TTC16: variants seen among roughly 807,000 people sequenced by gnomAD.
TTC16 encodes tetratricopeptide repeat domain 16.
A neutral mutation model predicts 80.4 loss-of-function variants in TTC16; 66 were observed. That is an observed-to-expected ratio of 0.82 (90% CI 0.67 to 1.01). The LOEUF (loss-of-function observed/expected upper bound fraction) is 1.01. Ranked by LOEUF, TTC16 falls within the 50% of genes least tolerant of loss-of-function variation. The pLI, the probability that TTC16 is intolerant of heterozygous loss-of-function variation, is 0.00. For synonymous variants in TTC16, 438 were observed against 451.3 expected (o/e 0.97, Z 0.37); for missense variants, 1,070 against 1,103.2 (o/e 0.97, Z 0.43).
intron 12 of TTC16, 140 bp downstream of exon 12, chr9:127,727,605 G>T (rs1253568536): frequency 1.4e-6 from 2 of 1,415,958 alleles, no homozygotes; most frequent in Non-Finnish European, 1.8e-6. Context: ...TGATGGGCTG[G>T]GGACATCTTG....
chr9:127,730,799 C>T lies in TTC16; in HGVS notation c.2016C>T (p.Ile672=), dbSNP rs768162495. Residue 672 remains isoleucine, a synonymous_variant, in exon 14 of 14, where the codon ATC becomes ATT. Transcript: ENST00000373289. ...CACTAAGCCATGGTCCCAGAAAAATCAAGGCCACCCAGGGCCAGAGGCAGA... is the reference window on the plus strand; with the variant it reads ...CACTAAGCCATGGTCCCAGAAAAATTAAGGCCACCCAGGGCCAGAGGCAGA... ...REALSHGPRK[I]KATQGQRQSL... The T allele has an allele frequency of 5.1e-5, 82 of 1,613,708 alleles. No individual in the cohort carries two copies. The highest frequency in any genetic ancestry group is 6.5e-5 in the Non-Finnish European group (77 of 1,180,048).
chr9:127,726,899 C>T (rs1844022502), intron 10 of TTC16, 71 bp from the exon 11 acceptor site: 2 of 1,592,990 alleles, frequency 1.3e-6, no homozygotes, highest in Non-Finnish European at 8.6e-7. Context: ...TGTGCAGGGT[C>T]AGGGCAGCAT....
intron 12 of TTC16, chr9:127,729,276 T>G: frequency 3.1e-6 from 1 of 324,638 alleles, no homozygotes; most frequent in Non-Finnish European, 5.9e-6. Flanking sequence ...GGCACAGCCC[T>G]TTACAATTTA....
chr9:127,731,513 A>C lies in TTC16; in HGVS notation c.*108A>C. ...TCCTTCCAGAGCAATTAAAAGTCTT[A>C]GCAACAGTCCTCTGGTCCCACAGCT... On this transcript the variant is annotated 3_prime_UTR_variant, in exon 14 of 14. Coordinates refer to ENST00000373289, the MANE Select transcript of TTC16 (RefSeq NM_144965.3). The C allele has an allele frequency of 6.7e-7, 1 of 1,493,642 alleles. No homozygotes were observed. The highest frequency in any genetic ancestry group is 8.9e-7 in the Non-Finnish European group (1 of 1,125,684). 92.5% of individuals were successfully genotyped at this position (1,493,642 alleles called of 1,614,324 possible). A position where few individuals can be genotyped will look rare whatever the true frequency, so the allele number is the denominator to read the frequency against.
At chr9:127,720,232 C>G (rs375015525) in intron 5 of TTC16, 34 bp from the exon 6 acceptor site, 1 of 1,613,320 alleles carries the variant, frequency 6.2e-7, no homozygotes, top group Non-Finnish European at 8.5e-7. Context: ...CCGCCCCACC[C>G]GGGAAACGAG....
intron 13 of TTC16, 193 bp downstream of exon 13, chr9:127,729,861 AG>A: frequency 1.7e-6 from 1 of 589,960 alleles, no homozygotes; most frequent in Non-Finnish European, 3.0e-6. Flanking sequence ...GGCTTGCTCC[AG>A]GCACTTCATG....
chr9:127,720,091 T>C lies in TTC16; in HGVS notation c.440T>C (p.Phe147Ser), dbSNP rs758566813. The change falls in exon 5 of 14, where the codon TTT becomes TCT. Residue 147 changes from phenylalanine (F) to serine (S), a missense_variant. Transcript: ENST00000373289. ...FVLYLQGQCLFEQCAFLDALN... is the reference protein window; with the variant it reads ...FVLYLQGQCLSEQCAFLDALN... The stretch of plus-strand genomic sequence containing the variant: ...CTGTGTCCCCAGGGACAATGCCTTT[T>C]TGAGCAGTGTGCCTTCCTGGATGCC... 1.2e-6 allele frequency: 2 copies of C among 1,613,858 alleles called. No homozygotes were observed. The highest frequency in any genetic ancestry group is 3.3e-5 in the Admixed American group (2 of 60,020).
rs1843570672 is a variant in TTC16, at chr9:127,722,247, C to T, written c.658-872C>T. ...CCCTCCCTCCCTCCACCCACACCTG[C>T]TGTCCACACCATCCCGTTCACCTGC... On this transcript the variant is annotated intron_variant, in intron 6 of 13. Coordinates refer to ENST00000373289, the MANE Select transcript of TTC16 (RefSeq NM_144965.3). This position sits in a 1 kb window ranked among gnomAD's most constrained non-coding sequence, Gnocchi z 4.2. Among the ~76,000 whole-genome samples the T allele has an allele frequency of 6.6e-6, 1 of 152,204 alleles. No homozygotes were observed. Among genetic ancestry groups the T allele is most frequent in the Non-Finnish European group, 1.5e-5 (1 of 68,036 alleles).
intron 12 of TTC16, chr9:127,729,222 A>C: frequency 5.0e-6 from 1 of 199,250 alleles, no homozygotes; most frequent in Non-Finnish European, 1.0e-5. Context: ...GGATGGGGGT[A>C]AAGCCTACAG....
rs762334269 is a variant in TTC16 at position 127,731,269 on chromosome 9, G to A, written c.2486G>A (p.Ser829Asn). 2 of 1,612,902 alleles carry A rather than the reference G, an allele frequency of 1.2e-6. No homozygotes were observed. The highest frequency in any genetic ancestry group is 3.3e-5 in the Admixed American group (2 of 60,030). The change falls in exon 14 of 14, where the codon AGC becomes AAC. Residue 829 changes from serine to asparagine, a missense_variant. Ser to Asn is a conservative substitution (Grantham distance 46). Transcript: ENST00000373289. ...EYAQGQGQRS[S>N]KAEGAQGKSQ... is the part of the protein sequence containing the mutation. ...GCCCAAGGCCAGGGCCAGAGGTCCA[G>A]CAAGGCTGAGGGTGCCCAGGGCAAG...
rs1301634446 is a variant in TTC16 at position 127,718,022 on chromosome 9, T to C, written c.426+250T>C. 1.3e-5 allele frequency among the ~76,000 whole-genome samples: 2 copies of C among 152,252 alleles called. No individual in the cohort carries two copies. Among genetic ancestry groups the C allele is most frequent in the South Asian group, 2.1e-4 (1 of 4,832 alleles). Reference sequence around the variant, plus strand: ...GCTAGCCACCAGCCACGTGGAACTGTTGAGCCCTTGAAATGTGGCAAGTGT... The same window carrying C: ...GCTAGCCACCAGCCACGTGGAACTGCTGAGCCCTTGAAATGTGGCAAGTGT... On this transcript the variant is annotated intron_variant, in intron 4 of 13. Coordinates refer to ENST00000373289, the MANE Select transcript of TTC16 (RefSeq NM_144965.3). This position sits in a 1 kb window ranked among gnomAD's most constrained non-coding sequence, Gnocchi z 4.6.
At position 127,717,647 on chromosome 9, in the gene TTC16, C is replaced by G. The variant is rs144323582; in HGVS notation, c.301C>G (p.Arg101Gly). The G allele has an allele frequency of 1.9e-6, 3 of 1,613,976 alleles. No individual in the cohort carries two copies. Among genetic ancestry groups the G allele is most frequent in the East Asian group, 2.2e-5 (1 of 44,880 alleles). Reference protein sequence around the residue: ...DPQLVDFYALRAEAYLQLCDF... With the variant: ...DPQLVDFYALGAEAYLQLCDF... The stretch of plus-strand genomic sequence containing the variant: ...CCCTCAGGTGGACTTCTATGCCTTA[C>G]GGGCTGAGGCCTACCTCCAGCTCTG... Residue 101 changes from arginine to glycine, a missense_variant, in exon 4 of 14, where the codon CGG becomes GGG. Physicochemically the swap from Arg to Gly is moderately radical, Grantham distance 125. Transcript: ENST00000373289.
Position 127,726,416 on chromosome 9 carries a change from C to G in TTC16, c.1425+12C>G. The G allele has an allele frequency of 2.5e-6, 4 of 1,582,362 alleles. No individual in the cohort carries two copies. The highest frequency in any genetic ancestry group is 3.4e-6 in the Non-Finnish European group (4 of 1,159,632). ...CCAAGCAACCAAAGGTAGGTTCCTGCCACGTCAGGAGTGTAGGCTCCGGAG... is the reference window on the plus strand; with the variant it reads ...CCAAGCAACCAAAGGTAGGTTCCTGGCACGTCAGGAGTGTAGGCTCCGGAG... On this transcript the variant is annotated intron_variant, in intron 10 of 13. Coordinates refer to ENST00000373289, the MANE Select transcript of TTC16 (RefSeq NM_144965.3).
At position 127,731,022 on chromosome 9, in the gene TTC16, AGC is replaced by A. The variant is rs1459339343; in HGVS notation, c.2241_2242del (p.Ser747ArgfsTer3). On this transcript the variant is annotated frameshift_variant, in exon 14 of 14. Coordinates refer to ENST00000373289, the MANE Select transcript of TTC16 (RefSeq NM_144965.3). LOFTEE classifies it low-confidence loss of function (END_TRUNC). ...EATQGQRQSS[S>X]EIEATQGPRQ... is the part of the protein sequence containing the mutation. ...CACTCAGGGCCAGAGGCAGAGCTCC[AGC>A]GAGATTGAGGCCACCCAGGGCCCAA... 1 of 1,613,148 alleles carries A rather than the reference AGC, an allele frequency of 6.2e-7. No homozygotes were observed. The highest frequency in any genetic ancestry group is 1.1e-5 in the South Asian group (1 of 91,088).
In TTC16 at chr9:127,718,957, A is replaced by G. The variant is rs1355714775; in HGVS notation, c.427-1121A>G. 6.6e-6 allele frequency among the ~76,000 whole-genome samples: 1 copy of G among 151,044 alleles called. No individual in the cohort carries two copies. The highest frequency in any genetic ancestry group is 1.5e-5 in the Non-Finnish European group (1 of 67,808). ...GCCGGGCACGGTGGCTCACGCCTGT[A>G]ATCCCAGCACTTTGGGAGGCCGAGT... On this transcript the variant is annotated intron_variant, in intron 4 of 13. Transcript: ENST00000373289. The surrounding 1 kb of genome is among the most constrained non-coding windows in gnomAD (Gnocchi z 4.6).
At chr9:127,727,241 G>A (rs1463186622) in intron 11 of TTC16, 29 bp from the exon 12 acceptor site, 19 of 1,537,490 alleles carry the variant, frequency 1.2e-5, no homozygotes, top group Non-Finnish European at 1.7e-5. Flanking sequence ...CAGGGAGACT[G>A]ACAATACCTG....
Position 127,717,685 on chromosome 9 carries a change from G to A in TTC16, c.339G>A (p.Ser113=), listed in dbSNP as rs780250108. ...ACCTCCAGCTCTGTGACTTCTCCTC[G>A]GCCGCCCAGAACCTGCGAAGGGCCT... is the stretch of plus-strand genomic sequence containing the variant. The part of the protein sequence containing the change: ...EAYLQLCDFS[S]AAQNLRRAYS... The change falls in exon 4 of 14, where the codon TCG becomes TCA. Residue 113 remains serine, a synonymous_variant. Coordinates refer to ENST00000373289, the MANE Select transcript of TTC16 (RefSeq NM_144965.3). 42 of 1,613,838 alleles carry A rather than the reference G, an allele frequency of 2.6e-5. No individual in the cohort carries two copies. The highest frequency in any genetic ancestry group is 7.7e-5 in the South Asian group (7 of 91,088).
chr9:127,720,536 A>T, intron 6 of TTC16, 141 bp downstream of exon 6: 1 of 1,117,076 alleles, frequency 9.0e-7, no homozygotes, highest in Non-Finnish European at 1.3e-6. Context: ...CTCCCTGGGA[A>T]GAGGCCCACA....
chr9:127,731,038 C>T lies in TTC16; in HGVS notation c.2255C>T (p.Thr752Ile). Residue 752 changes from threonine (T) to isoleucine (I), a missense_variant, in exon 14 of 14, where the codon ACC becomes ATC. Transcript: ENST00000373289. Reference sequence around the variant, plus strand: ...CAGAGCTCCAGCGAGATTGAGGCCACCCAGGGCCCAAGGCAGGAGCCCAGC... The same window carrying T: ...CAGAGCTCCAGCGAGATTGAGGCCATCCAGGGCCCAAGGCAGGAGCCCAGC... ...QRQSSSEIEA[T>I]QGPRQEPSKT... 1.2e-6 allele frequency: 2 copies of T among 1,612,846 alleles called. No homozygotes were observed. Among genetic ancestry groups the T allele is most frequent in the South Asian group, 1.1e-5 (1 of 91,070 alleles).
Sources: gnomAD v4.1 joint callset for allele counts (sites outside exome capture counted in the v4.1 genomes callset) on GRCh38, gnomAD v4.1.1 for gene constraint, Gnocchi (gnomAD v3.1) non-coding constraint, MANE v1.5 for transcripts, NCBI Gene and HGNC (gene_info 2026-07-23, HGNC 2026-07-21) for gene names.